The following LINGO2 variants were observed in gnomAD, a reference collection of about 807,000 sequenced individuals.
LINGO2 encodes the protein leucine rich repeat and Ig domain containing 2, also known as leucine-rich repeat and immunoglobulin-like domain-containing nogo receptor-interacting protein 2.
Under a neutral mutation model 30.6 loss-of-function variants are expected in LINGO2, and 14 were observed. The ratio of observed to expected loss-of-function variants is 0.46; its 90% CI spans 0.30 to 0.72. The LOEUF (loss-of-function observed/expected upper bound fraction) is 0.72, where lower values mean the gene tolerates loss of function less well. Among genes scored for constraint, LINGO2 ranks in the 30% least tolerant of loss-of-function variants. The pLI is 0.07. For synonymous variants in LINGO2, 317 were observed against 288.5 expected, an observed-to-expected ratio of 1.10 and a Z score of -1.00; for missense variants, 729 against 751.7, an observed-to-expected ratio of 0.97 and a Z score of 0.35.
At chr9:29,088,908 T>C in the LINGO2 span, among the ~76,000 whole-genome samples, 73 of 152,238 alleles carry the variant, frequency 4.8e-4, no homozygotes, top group Non-Finnish European at 9.3e-4. Flanking sequence ...TTAACTGATT[T>C]AAATCCTGAA....
chr9:29,154,449 C>CAAAAA, the LINGO2 span, among the ~76,000 whole-genome samples: 1 of 95,528 alleles, frequency 1.0e-5, no homozygotes, highest in East Asian at 2.8e-4. Flanking sequence ...GACTCCGTCT[C>CAAAAA]AAAAAAAAAA....
chr9:28,876,357 C>G, the LINGO2 span, among the ~76,000 whole-genome samples: 1 of 151,708 alleles, frequency 6.6e-6, no homozygotes, highest in African/African-American at 2.4e-5. Context: ...CCATTAACTC[C>G]TCATTTAGCA....
intron 4 of LINGO2, among the ~76,000 whole-genome samples, chr9:28,276,851 GAT>G (rs1375365791): frequency 6.6e-5 from 10 of 152,044 alleles, no homozygotes; most frequent in Admixed American, 1.3e-4. Context: ...TTAGATGGAT[GAT>G]ATCTCGTTAA....
At chr9:28,521,531 C>T (rs1223585060) in intron 1 of LINGO2, among the ~76,000 whole-genome samples, 1 of 152,060 alleles carries the variant, frequency 6.6e-6, no homozygotes, top group East Asian at 1.9e-4. Flanking sequence ...CATGTTCTTC[C>T]CCCCATTTTT....
At chr9:28,197,884 T>C (rs1820070422) in intron 4 of LINGO2, among the ~76,000 whole-genome samples, 1 of 151,896 alleles carries the variant, frequency 6.6e-6, no homozygotes. Flanking sequence ...CTATGAATCA[T>C]CCTTACTCAT....
At chr9:28,751,632 C>G in the LINGO2 span, among the ~76,000 whole-genome samples, 1 of 151,970 alleles carries the variant, frequency 6.6e-6, no homozygotes, top group African/African-American at 2.4e-5. Flanking sequence ...TGATGCTACT[C>G]TAAACAATAA....
intron 1 of LINGO2, among the ~76,000 whole-genome samples, chr9:28,619,731 A>G (rs1345270979): frequency 1.3e-5 from 2 of 152,012 alleles, no homozygotes; most frequent in Non-Finnish European, 2.9e-5. Context: ...CTTCTCATAT[A>G]CTCAGTTTCA....
At chr9:28,052,405 A>AC (rs1481595527) in intron 4 of LINGO2, among the ~76,000 whole-genome samples, 1 of 152,082 alleles carries the variant, frequency 6.6e-6, no homozygotes, top group Non-Finnish European at 1.5e-5. Flanking sequence ...GTTAGTAGCC[A>AC]CTGTGGGGAA....
intron 4 of LINGO2, among the ~76,000 whole-genome samples, chr9:28,187,288 C>T (rs111378711): frequency 3.3e-5 from 5 of 151,884 alleles, no homozygotes; most frequent in Admixed American, 1.3e-4. Flanking sequence ...GTCAGGAGTT[C>T]GAGTCCAGCC....
intron 2 of LINGO2, among the ~76,000 whole-genome samples, chr9:28,397,738 G>A (rs1822110219): frequency 6.6e-6 from 1 of 151,932 alleles, no homozygotes; most frequent in African/African-American, 2.4e-5. Flanking sequence ...TAGTAGAGAC[G>A]GGGTTTCACT....
chr9:28,509,138 T>A (rs145130948), intron 1 of LINGO2, among the ~76,000 whole-genome samples: 149 of 152,280 alleles, frequency 9.8e-4, no homozygotes, highest in African/African-American at 3.3e-3. Flanking sequence ...TGGCCCTAGT[T>A]ATTTTTTAAC....
chr9:28,069,309 T>C (rs1825404304), intron 4 of LINGO2, among the ~76,000 whole-genome samples: 1 of 152,106 alleles, frequency 6.6e-6, no homozygotes, highest in Admixed American at 6.6e-5. Context: ...TACTGGCATA[T>C]AGTCAGTGCT....
chr9:29,109,422 T>C, the LINGO2 span, among the ~76,000 whole-genome samples: 2 of 142,108 alleles, frequency 1.4e-5, no homozygotes, highest in African/African-American at 5.2e-5. Flanking sequence ...TATAAATCTT[T>C]TATTTTATAA....
the LINGO2 span, among the ~76,000 whole-genome samples, chr9:28,740,474 C>A: frequency 2.0e-5 from 3 of 151,628 alleles, no homozygotes; most frequent in Non-Finnish European, 2.9e-5. Context: ...TCCTGTTATA[C>A]GTAATATATA....
At chr9:28,347,454 C>T in intron 3 of LINGO2, among the ~76,000 whole-genome samples, 1 of 150,546 alleles carries the variant, frequency 6.6e-6, no homozygotes, top group East Asian at 2.0e-4. Flanking sequence ...ACACACAAAA[C>T]CAAGATCCAT....
At chr9:28,371,698 T>C (rs1405640574) in intron 3 of LINGO2, among the ~76,000 whole-genome samples, 1 of 152,206 alleles carries the variant, frequency 6.6e-6, no homozygotes, top group Non-Finnish European at 1.5e-5. Flanking sequence ...CTGAGTGTTC[T>C]ATCTCAGAGG....
At chr9:28,480,095 C>G (rs1825901057) in intron 1 of LINGO2, among the ~76,000 whole-genome samples, 1 of 151,126 alleles carries the variant, frequency 6.6e-6, no homozygotes, top group Admixed American at 6.6e-5. Flanking sequence ...CAAGGAGTTG[C>G]TATTATAATC....
chr9:28,728,588 C>T, the LINGO2 span, among the ~76,000 whole-genome samples: 1 of 152,048 alleles, frequency 6.6e-6, no homozygotes, highest in African/African-American at 2.4e-5. Context: ...TCGGACTGAA[C>T]TGTCAGCTCT....
chr9:28,377,833 T>G (rs914339085), intron 2 of LINGO2, among the ~76,000 whole-genome samples: 3 of 152,158 alleles, frequency 2.0e-5, no homozygotes, highest in African/African-American at 7.2e-5. Flanking sequence ...AAGGATTTTA[T>G]CAGGCATGAA....
Sources: allele counts gnomAD v4.1 joint callset (sites outside exome capture counted in the v4.1 genomes callset), GRCh38; gene constraint gnomAD v4.1.1; transcripts MANE v1.5; gene names NCBI Gene and HGNC (gene_info 2026-07-23, HGNC 2026-07-21).